Variants in GABRB1 observed in about 807,000 individuals in gnomAD.
The protein encoded by GABRB1 is gamma-aminobutyric acid type A receptor subunit beta1.
In GABRB1, 17 loss-of-function variants were observed where a neutral mutation model predicts 51.6. That is an observed-to-expected ratio of 0.33 (90% confidence interval 0.23 to 0.49). The LOEUF is 0.49. GABRB1 is among the 20% of genes least tolerant of loss of function. GABRB1 has a pLI of 0.99. For synonymous variants in GABRB1, 247 were observed against 218.9 expected, an observed-to-expected ratio of 1.13 and a Z score of -1.14; for missense variants, 410 against 600.6, an observed-to-expected ratio of 0.68 and a Z score of 3.32.
At chr4:47,133,338 C>T (rs754028405) in intron 3 of GABRB1, among the ~76,000 whole-genome samples, 1 of 152,138 alleles carries the variant, frequency 6.6e-6, no homozygotes, top group Non-Finnish European at 1.5e-5. Flanking sequence ...TATTCACTCC[C>T]AATTTGTCAG....
At chr4:47,102,218 T>C (rs1349645971) in intron 3 of GABRB1, among the ~76,000 whole-genome samples, 1 of 151,978 alleles carries the variant, frequency 6.6e-6, no homozygotes, top group Non-Finnish European at 1.5e-5. Context: ...GATGGGAAGC[T>C]TGGATTTAAG....
At chr4:47,214,128 T>C (rs1720469040) in intron 4 of GABRB1, among the ~76,000 whole-genome samples, 2 of 152,164 alleles carry the variant, frequency 1.3e-5, no homozygotes, top group Non-Finnish European at 2.9e-5. Context: ...TAAAGAATAA[T>C]AGATGGTTGT....
chr4:47,123,976 T>C (rs1715996173), intron 3 of GABRB1, among the ~76,000 whole-genome samples: 1 of 120,976 alleles, frequency 8.3e-6, no homozygotes, highest in African/African-American at 3.3e-5. Context: ...AATGCACACA[T>C]GCACACACAC....
At chr4:47,294,432 A>G (rs1295370605) in intron 4 of GABRB1, among the ~76,000 whole-genome samples, 2 of 152,252 alleles carry the variant, frequency 1.3e-5, no homozygotes. Context: ...ACAGGCTTAA[A>G]AAACGGCGCA....
intron 4 of GABRB1, among the ~76,000 whole-genome samples, chr4:47,186,474 C>T (rs1164080899): frequency 1.3e-5 from 2 of 151,636 alleles, no homozygotes; most frequent in Non-Finnish European, 2.9e-5. Flanking sequence ...TCTCAAATGT[C>T]CTTGAAAAAT....
chr4:47,241,513 AT>A (rs956396142), intron 4 of GABRB1, among the ~76,000 whole-genome samples: 1 of 150,780 alleles, frequency 6.6e-6, no homozygotes, highest in African/African-American at 2.4e-5. Context: ...AGGCGACATC[AT>A]TTTTTTTTCA....
At chr4:47,322,214 C>T (rs963958524) in intron 5 of GABRB1, among the ~76,000 whole-genome samples, 1 of 152,214 alleles carries the variant, frequency 6.6e-6, no homozygotes, top group East Asian at 1.9e-4. Context: ...AGGCATATGA[C>T]AATCATTGAG....
At chr4:47,287,893 T>C (rs1424953420) in intron 4 of GABRB1, among the ~76,000 whole-genome samples, 1 of 152,154 alleles carries the variant, frequency 6.6e-6, no homozygotes, top group Non-Finnish European at 1.5e-5. Flanking sequence ...GTGAGGAACT[T>C]AACCCTACCA....
intron 1 of GABRB1, among the ~76,000 whole-genome samples, chr4:47,008,851 AC>A (rs201967332): frequency 0.034 from 801 of 23,412 alleles, 367 homozygotes; most frequent in African/African-American, 0.043. Context: ...ATCAGATACT[AC>A]CTTTTTTTTT....
intron 4 of GABRB1, among the ~76,000 whole-genome samples, chr4:47,290,441 AC>A (rs1185879728): frequency 6.6e-6 from 1 of 152,236 alleles, no homozygotes; most frequent in Non-Finnish European, 1.5e-5. Context: ...ACAGACTAAT[AC>A]AGTAATTGGT....
At chr4:47,311,306 G>A (rs1328558297) in intron 4 of GABRB1, among the ~76,000 whole-genome samples, 1 of 151,202 alleles carries the variant, frequency 6.6e-6, no homozygotes, top group African/African-American at 2.4e-5. Context: ...CAGCTACTGG[G>A]GAGGCTGAGG....
At position 47,031,995 on chromosome 4, in the gene GABRB1, G is replaced by C. The variant is rs894366963; in HGVS notation, c.162G>C (p.Pro54=). 1 of 1,612,390 alleles carries C rather than the reference G, an allele frequency of 6.2e-7. No homozygotes were observed. The highest frequency in any genetic ancestry group is 1.3e-5 in the African/African-American group (1 of 74,514). Residue 54 remains proline, a synonymous_variant, in exon 2 of 9, where the codon CCG becomes CCC. Coordinates refer to ENST00000295454, the MANE Select transcript of GABRB1 (RefSeq NM_000812.4). ...LLKGYDIRLR[P]DFGGPPVDVG... ...AAGGATATGACATTCGCTTGCGGCC[G>C]GACTTCGGAGGTAACGCTTCATCTT... is the stretch of plus-strand genomic sequence containing the variant.
At chr4:47,053,291 T>C (rs1217191000) in intron 3 of GABRB1, among the ~76,000 whole-genome samples, 2 of 152,194 alleles carry the variant, frequency 1.3e-5, no homozygotes, top group African/African-American at 4.8e-5. Context: ...ATTTATTTTT[T>C]TCACAATTCT....
At chr4:47,405,546 G>T (rs1165594521) in intron 7 of GABRB1, among the ~76,000 whole-genome samples, 3 of 151,830 alleles carry the variant, frequency 2.0e-5, no homozygotes, top group African/African-American at 7.3e-5. Context: ...ACCCTAGCTG[G>T]GTGGCCTAAA....
At chr4:47,038,600 G>A (rs988245722) in intron 3 of GABRB1, among the ~76,000 whole-genome samples, 2 of 152,138 alleles carry the variant, frequency 1.3e-5, no homozygotes, top group African/African-American at 4.8e-5. Context: ...ATCCTTCCAT[G>A]AGGTGACTGA....
At chr4:47,065,864 G>A (rs941714646) in intron 3 of GABRB1, among the ~76,000 whole-genome samples, 1 of 152,184 alleles carries the variant, frequency 6.6e-6, no homozygotes, top group African/African-American at 2.4e-5. Flanking sequence ...AATAAAAATT[G>A]ATTTTGAAAA....
At chr4:47,349,555 C>G (rs1726231772) in intron 5 of GABRB1, among the ~76,000 whole-genome samples, 1 of 152,162 alleles carries the variant, frequency 6.6e-6, no homozygotes, top group South Asian at 2.1e-4. Context: ...GATGAAGTAT[C>G]ATGCCATCCT....
chr4:47,274,173 A>G (rs1722985093), intron 4 of GABRB1, among the ~76,000 whole-genome samples: 1 of 152,150 alleles, frequency 6.6e-6, no homozygotes, highest in Non-Finnish European at 1.5e-5. Flanking sequence ...TTCTTGCTAC[A>G]TACACTTAAC....
chr4:47,362,091 T>C (rs1726829457), intron 5 of GABRB1, among the ~76,000 whole-genome samples: 1 of 152,120 alleles, frequency 6.6e-6, no homozygotes, highest in South Asian at 2.1e-4. Context: ...GGAGCTTCCG[T>C]ATAAATAGCA....
Sources: allele counts gnomAD v4.1 joint callset (sites outside exome capture counted in the v4.1 genomes callset), GRCh38; gene constraint gnomAD v4.1.1; transcripts MANE v1.5; gene names NCBI Gene and HGNC (gene_info 2026-07-23, HGNC 2026-07-21).